Variants in TMCC3 observed in about 807,000 individuals in gnomAD.
TMCC3 encodes the protein transmembrane and coiled-coil domain family 3.
Under a neutral mutation model 40.2 loss-of-function variants are expected in TMCC3, and 28 were observed. The observed-to-expected ratio is 0.70, with a 90% confidence interval of 0.52 to 0.95. The LOEUF (loss-of-function observed/expected upper bound fraction) is 0.95, where lower values mean the gene tolerates loss of function less well. TMCC3 is among the 40% of genes least tolerant of loss of function. The pLI is 0.00. For synonymous variants in TMCC3, 255 were observed against 248.5 expected (o/e 1.03, Z -0.25); for missense variants, 554 against 615.2 (o/e 0.90, Z 1.05).
At chr12:94,618,862 C>T (rs1393843140) in intron 1 of TMCC3, among the ~76,000 whole-genome samples, 2 of 152,172 alleles carry the variant, frequency 1.3e-5, no homozygotes, top group Non-Finnish European at 2.9e-5. Flanking sequence ...ACTTGAACTT[C>T]CCAGCTGTGA....
intron 1 of TMCC3, among the ~76,000 whole-genome samples, chr12:94,627,532 A>C (rs1157955141): frequency 6.6e-6 from 1 of 152,008 alleles, no homozygotes; most frequent in African/African-American, 2.4e-5. Context: ...CTCAGACCCC[A>C]TGTCCCAGGA....
intron 1 of TMCC3, among the ~76,000 whole-genome samples, chr12:94,595,385 C>T (rs1317796123): frequency 6.6e-6 from 1 of 152,156 alleles, no homozygotes; most frequent in East Asian, 1.9e-4. Flanking sequence ...CATCCCCATT[C>T]CTAGAGCATC....
chr12:94,646,316 C>T (rs983685038), intron 1 of TMCC3, among the ~76,000 whole-genome samples: 1 of 144,872 alleles, frequency 6.9e-6, no homozygotes, highest in Non-Finnish European at 1.5e-5. Flanking sequence ...GTGGCACCAA[C>T]AAAATAGAAA....
chr12:94,602,435 G>A (rs758865813), intron 1 of TMCC3, among the ~76,000 whole-genome samples: 1 of 152,196 alleles, frequency 6.6e-6, no homozygotes, highest in African/African-American at 2.4e-5. Flanking sequence ...TAGCAAACAT[G>A]TGCACTGGTT....
In TMCC3 at chr12:94,577,237, GGAGTGCAA is replaced by G. The variant is rs568253062; in HGVS notation, c.1131+1149_1131+1156del. On this transcript the variant is annotated intron_variant, in intron 3 of 3. Transcript: ENST00000261226. ...AGACTCTCACTGTGTCGTCCAGGCT[GGAGTGCAA>G]TGGCGCGATCTCGGCTCATTGCAAC... Among the ~76,000 whole-genome samples the G allele has an allele frequency of 9.8e-4, 149 of 152,220 alleles. 1 individual carries two copies. Among genetic ancestry groups the G allele is most frequent in the African/African-American group, 3.4e-3 (142 of 41,554 alleles).
chr12:94,605,484 C>G (rs760179595), intron 1 of TMCC3, among the ~76,000 whole-genome samples: 5 of 152,098 alleles, frequency 3.3e-5, no homozygotes, highest in South Asian at 2.1e-4. Context: ...ATCTGGGATG[C>G]TGGGATCATG....
At chr12:94,620,689 A>C (rs1333757382) in intron 1 of TMCC3, among the ~76,000 whole-genome samples, 1 of 152,208 alleles carries the variant, frequency 6.6e-6, no homozygotes. Flanking sequence ...TCATTAAACA[A>C]TATCACTTAA....
chr12:94,573,007 C>T (rs2068542066), intron 3 of TMCC3, among the ~76,000 whole-genome samples: 1 of 152,184 alleles, frequency 6.6e-6, no homozygotes, highest in Non-Finnish European at 1.5e-5. Flanking sequence ...GAGATTGACT[C>T]ACAGATCTCC....
intron 1 of TMCC3, among the ~76,000 whole-genome samples, chr12:94,593,550 G>A (rs1036132647): frequency 3.3e-5 from 5 of 151,626 alleles, no homozygotes; most frequent in African/African-American, 1.2e-4. Flanking sequence ...ACAGGGGCTA[G>A]AATACATATA....
In TMCC3 at chr12:94,571,421, A is replaced by G; in HGVS notation, c.*14T>C. The G allele has an allele frequency of 6.2e-7, 1 of 1,604,796 alleles. No individual in the cohort carries two copies. Among genetic ancestry groups the G allele is most frequent in the Non-Finnish European group, 8.5e-7 (1 of 1,173,178 alleles). The stretch of plus-strand genomic sequence containing the variant: ...TAAAAACTTGAAAGAACTTGAAGGC[A>G]GGAACCAGTGGCTTCATCTTGGTAT... On this transcript the variant is annotated 3_prime_UTR_variant, in exon 4 of 4. Coordinates refer to ENST00000261226, the MANE Select transcript of TMCC3 (RefSeq NM_020698.4).
chr12:94,616,963 A>G (rs1359132941), intron 1 of TMCC3, among the ~76,000 whole-genome samples: 2 of 152,186 alleles, frequency 1.3e-5, no homozygotes, highest in Admixed American at 1.3e-4. Flanking sequence ...CATGGAGCCA[A>G]CTGGAGCCTG....
At chr12:94,607,400 T>G (rs2068790081) in intron 1 of TMCC3, among the ~76,000 whole-genome samples, 1 of 152,144 alleles carries the variant, frequency 6.6e-6, no homozygotes, top group Non-Finnish European at 1.5e-5. Context: ...TACAAGAGTA[T>G]TATTACAGAA....
intron 1 of TMCC3, among the ~76,000 whole-genome samples, chr12:94,585,234 T>C (rs1176495965): frequency 6.6e-6 from 1 of 152,180 alleles, no homozygotes; most frequent in South Asian, 2.1e-4. Flanking sequence ...TATAAGGCCC[T>C]AGCCCACCTT....
intron 1 of TMCC3, among the ~76,000 whole-genome samples, chr12:94,632,293 A>G (rs532734765): frequency 6.6e-6 from 1 of 152,370 alleles, no homozygotes; most frequent in South Asian, 2.1e-4. Flanking sequence ...ATTTTACTGT[A>G]TGTAAATTTA....
At chr12:94,616,739 G>C (rs976963714) in intron 1 of TMCC3, among the ~76,000 whole-genome samples, 8 of 152,344 alleles carry the variant, frequency 5.3e-5, no homozygotes, top group African/African-American at 1.7e-4. Context: ...GTCAGAAGGT[G>C]AATCAGTTAG....
At chr12:94,597,137 ATATATATATATATATATATATG>A (rs1219401470) in intron 1 of TMCC3, among the ~76,000 whole-genome samples, 457 of 14,170 alleles carry the variant, frequency 0.032, 16 homozygotes, top group Middle Eastern at 0.071. Context: ...ATATATATAT[ATATATATATATATATATATATG>A]TATATAAATT....
In TMCC3 at chr12:94,569,876, C is replaced by A. The variant is rs1350841997; in HGVS notation, c.*1559G>T. On this transcript the variant is annotated 3_prime_UTR_variant, in exon 4 of 4. Transcript: ENST00000261226. The stretch of plus-strand genomic sequence containing the variant: ...CACTCACATGCCTTCCTGCCTGCAG[C>A]AGATGGCGGGAGTGGTGGGACAAGG... 2 of 152,254 alleles carry A rather than the reference C, an allele frequency of 1.3e-5. No individual in the cohort carries two copies. Among genetic ancestry groups the A allele is most frequent in the Non-Finnish European group, 2.9e-5 (2 of 68,044 alleles). 9.4% of individuals were successfully genotyped at this position (152,254 alleles called of 1,614,324 possible). A position where few individuals can be genotyped will look rare whatever the true frequency, so the allele number is the denominator to read the frequency against.
chr12:94,601,612 G>C (rs1311049873), intron 1 of TMCC3, among the ~76,000 whole-genome samples: 1 of 150,370 alleles, frequency 6.7e-6, no homozygotes, highest in African/African-American at 2.4e-5. Context: ...ATCACATGAG[G>C]TCAGGAGTTT....
intron 1 of TMCC3, among the ~76,000 whole-genome samples, chr12:94,647,983 T>TG (rs780503234): frequency 3.1e-4 from 47 of 152,234 alleles, no homozygotes; most frequent in Non-Finnish European, 4.9e-4. Flanking sequence ...AAGTTTCAAC[T>TG]GGGACCTCAA....
Sources: gnomAD v4.1 joint callset for allele counts (sites outside exome capture counted in the v4.1 genomes callset) on GRCh38, gnomAD v4.1.1 for gene constraint, MANE v1.5 for transcripts, NCBI Gene and HGNC (gene_info 2026-07-23, HGNC 2026-07-21) for gene names.